Variants in CMC2 observed in about 807,000 individuals in gnomAD.
CMC2 encodes the protein COX assembly mitochondrial protein 2 homolog.
CMC2 carries 5 observed loss-of-function variants against 7.5 expected under a neutral mutation model. That is an observed-to-expected ratio of 0.66 (90% CI 0.35 to 1.40). CMC2 has a LOEUF of 1.40. CMC2 is among the 40% of genes most tolerant of loss of function. The pLI is 0.04. For missense variants in CMC2, 115 were observed against 92.3 expected (o/e 1.25, Z -1.01); for synonymous variants, 37 against 31.4 (o/e 1.18, Z -0.60).
intron 1 of CMC2, chr16:80,998,674 T>A (rs1266002288): frequency 6.6e-6 from 1 of 152,158 alleles, no homozygotes; most frequent in African/African-American, 2.4e-5. Flanking sequence ...ATACATACAA[T>A]GGAATACTAT....
chr16:80,993,343 G>C (rs62056081), intron 2 of CMC2, among the ~76,000 whole-genome samples: 5,096 of 152,282 alleles, frequency 0.033, 118 homozygotes, highest in Non-Finnish European at 0.046. Context: ...GCAGAGAACA[G>C]AACTCAAGAG....
chr16:80,997,398 T>C lies in CMC2; in HGVS notation c.-4A>G. On this transcript the variant is annotated 5_prime_UTR_variant, in exon 2 of 4. Coordinates refer to ENST00000219400, the MANE Select transcript of CMC2 (RefSeq NM_020188.5). ...GTGGAGATAAGTCAGGATGCATCTTTAGGAGATGAGGATGGATCACAGCAG... is the reference window on the plus strand; with the variant it reads ...GTGGAGATAAGTCAGGATGCATCTTCAGGAGATGAGGATGGATCACAGCAG... 3 of 1,609,824 alleles carry C rather than the reference T, an allele frequency of 1.9e-6. No individual in the cohort carries two copies. The highest frequency in any genetic ancestry group is 1.3e-5 in the African/African-American group (1 of 74,948).
In CMC2 at chr16:80,973,852, C is replaced by G. The variant is rs928942530; in HGVS notation, c.*2241G>C. 1 of 152,218 alleles carries G rather than the reference C, an allele frequency of 6.6e-6. No individual in the cohort carries two copies. The highest frequency in any genetic ancestry group is 6.5e-5 in the Admixed American group (1 of 15,286). The allele number at this position is 152,218 out of a possible 1,614,324, so 9.4% of individuals were successfully genotyped here. Reference sequence around the variant, plus strand: ...AACACAAGAGAGTAAGACCTAAAAACAGTAGGTGGTTTGAATATCCCATAA... The same window carrying G: ...AACACAAGAGAGTAAGACCTAAAAAGAGTAGGTGGTTTGAATATCCCATAA... On this transcript the variant is annotated 3_prime_UTR_variant, in exon 4 of 4. Coordinates refer to ENST00000219400, the MANE Select transcript of CMC2 (RefSeq NM_020188.5).
intron 2 of CMC2, among the ~76,000 whole-genome samples, chr16:80,982,086 C>A (rs1049207449): frequency 1.3e-5 from 2 of 151,924 alleles, no homozygotes; most frequent in Admixed American, 6.6e-5. Flanking sequence ...GATTTTCTTT[C>A]AATAAATATA....
At chr16:80,976,446 T>C (rs7193361) in intron 3 of CMC2, among the ~76,000 whole-genome samples, 2,867 of 152,278 alleles carry the variant, frequency 0.019, 89 homozygotes, top group African/African-American at 0.066. Flanking sequence ...GATGCACAAA[T>C]GTTTGCTCAA....
At chr16:81,001,893 T>C (rs1348025918) in intron 1 of CMC2, among the ~76,000 whole-genome samples, 3 of 152,018 alleles carry the variant, frequency 2.0e-5, no homozygotes, top group African/African-American at 4.8e-5. Flanking sequence ...AATAAAGCCA[T>C]TGCACCTAGT....
rs553619792 is a variant in CMC2 at position 80,975,859 on chromosome 16, C to A, written c.*234G>T. On this transcript the variant is annotated 3_prime_UTR_variant, in exon 4 of 4. Coordinates refer to ENST00000219400, the MANE Select transcript of CMC2 (RefSeq NM_020188.5). ...TACTCAGATATTAACTGGTTGTAGGCAAAGGGAATAAACATGGTGAAGTCA... is the reference window on the plus strand; with the variant it reads ...TACTCAGATATTAACTGGTTGTAGGAAAAGGGAATAAACATGGTGAAGTCA... 36 of 379,290 alleles carry A rather than the reference C, an allele frequency of 9.5e-5. No homozygotes were observed. In the South Asian group the frequency reaches 1.9e-3, roughly 20 times the overall value. 23.5% of individuals were successfully genotyped at this position (379,290 alleles called of 1,614,324 possible). A position where few individuals can be genotyped will look rare whatever the true frequency, so the allele number is the denominator to read the frequency against.
At position 80,970,848 on chromosome 16, in the gene CMC2, GATATTAGAATAA is replaced by G. The variant is rs1911864711; in HGVS notation, c.*5233_*5244del. 1 of 152,136 alleles carries G rather than the reference GATATTAGAATAA, an allele frequency of 6.6e-6. No individual in the cohort carries two copies. Among genetic ancestry groups the G allele is most frequent in the Non-Finnish European group, 1.5e-5 (1 of 68,030 alleles). 9.4% of individuals were successfully genotyped at this position (152,136 alleles called of 1,614,324 possible). On this transcript the variant is annotated 3_prime_UTR_variant, in exon 4 of 4. Transcript: ENST00000219400. The stretch of plus-strand genomic sequence containing the variant: ...CCTGCTTTATAAAAAAATTTTAAGA[GATATTAGAATAA>G]GTAATTTTAAAAATACCCCTTAGAC...
intron 2 of CMC2, among the ~76,000 whole-genome samples, chr16:80,989,471 A>C (rs1015661450): frequency 6.6e-6 from 1 of 152,160 alleles, no homozygotes; most frequent in African/African-American, 2.4e-5. Context: ...CTGTCCTTTT[A>C]ACAGTCCCTA....
intron 2 of CMC2, among the ~76,000 whole-genome samples, chr16:80,985,913 A>AAAAAC (rs1232646606): frequency 6.6e-6 from 1 of 151,668 alleles, no homozygotes; most frequent in African/African-American, 2.4e-5. Context: ...AAAAAAAAAA[A>AAAAAC]AAAAACCACA....
In CMC2 at chr16:80,971,558, TAC is replaced by T. The variant is rs200447772; in HGVS notation, c.*4533_*4534del. ...ATATGGCTATGGATACTGACATACA[TAC>T]ATTTTATATATATATATATATATAT... On this transcript the variant is annotated 3_prime_UTR_variant, in exon 4 of 4. Transcript: ENST00000219400. 1 of 99,972 alleles carries T rather than the reference TAC, an allele frequency of 1.0e-5. No individual in the cohort carries two copies. The highest frequency in any genetic ancestry group is 6.1e-5 in the African/African-American group (1 of 16,304). 6.2% of individuals were successfully genotyped at this position (99,972 alleles called of 1,614,324 possible). A position where few individuals can be genotyped will look rare whatever the true frequency, so the allele number is the denominator to read the frequency against.
intron 2 of CMC2, 138 bp downstream of exon 2, chr16:80,997,176 C>T (rs1289047752): frequency 3.1e-6 from 2 of 635,418 alleles, no homozygotes; most frequent in African/African-American, 3.7e-5. Flanking sequence ...TCGCACATAT[C>T]AACTGCTAAT....
chr16:80,987,198 A>G (rs769035988), intron 2 of CMC2, among the ~76,000 whole-genome samples: 18 of 152,228 alleles, frequency 1.2e-4, no homozygotes, highest in Non-Finnish European at 2.1e-4. Flanking sequence ...AAGGGACGCT[A>G]ACACAAGATA....
intron 3 of CMC2, among the ~76,000 whole-genome samples, chr16:80,979,551 A>G (rs913185447): frequency 2.0e-5 from 3 of 152,126 alleles, no homozygotes; most frequent in Admixed American, 6.5e-5. Flanking sequence ...ACAAATAGCC[A>G]TACTGAATAA....
chr16:80,973,292 G>A lies in CMC2; in HGVS notation c.*2801C>T, dbSNP rs1182368800. On this transcript the variant is annotated 3_prime_UTR_variant, in exon 4 of 4. Transcript: ENST00000219400. The stretch of plus-strand genomic sequence containing the variant: ...CCCTTTACCCCCTGCCCCATCAGCT[G>A]GGGCCCCACTCAAACGGTATCAGCC... 6.6e-6 allele frequency: 1 copy of A among 152,138 alleles called. No homozygotes were observed. The highest frequency in any genetic ancestry group is 2.4e-5 in the African/African-American group (1 of 41,422). 9.4% of individuals were successfully genotyped at this position (152,138 alleles called of 1,614,324 possible). A position where few individuals can be genotyped will look rare whatever the true frequency, so the allele number is the denominator to read the frequency against.
At chr16:80,992,472 T>A (rs373666897) in intron 2 of CMC2, among the ~76,000 whole-genome samples, 2 of 152,306 alleles carry the variant, frequency 1.3e-5, no homozygotes, top group South Asian at 4.1e-4. Flanking sequence ...TGCAGTCCCA[T>A]CAGAAATGTA....
At chr16:80,977,030 C>G (rs1912466153) in intron 3 of CMC2, among the ~76,000 whole-genome samples, 1 of 152,096 alleles carries the variant, frequency 6.6e-6, no homozygotes. Context: ...GGGCCTACAT[C>G]TTAGACCAGC....
intron 2 of CMC2, among the ~76,000 whole-genome samples, chr16:80,987,475 A>T (rs2151629693): frequency 6.6e-6 from 1 of 152,338 alleles, no homozygotes; most frequent in African/African-American, 2.4e-5. Flanking sequence ...AATCAGAAAA[A>T]ATACACAAGG....
At position 80,969,731 on chromosome 16, in the gene CMC2, G is replaced by C. The variant is rs1448974106; in HGVS notation, c.*6362C>G. On this transcript the variant is annotated 3_prime_UTR_variant, in exon 4 of 4. Transcript: ENST00000219400. The stretch of plus-strand genomic sequence containing the variant: ...GGTGAAACCCCGTCTCTACTAAAAG[G>C]ACAAAAAAATTAGCCGGGCATCATG... 1.3e-5 allele frequency: 2 copies of C among 152,014 alleles called. No homozygotes were observed. Among genetic ancestry groups the C allele is most frequent in the Admixed American group, 1.3e-4 (2 of 15,258 alleles). The allele number at this position is 152,014 out of a possible 1,614,324, so 9.4% of individuals were successfully genotyped here. A position where few individuals can be genotyped will look rare whatever the true frequency, so the allele number is the denominator to read the frequency against.
Sources: gnomAD v4.1 joint callset for allele counts (sites outside exome capture counted in the v4.1 genomes callset) on GRCh38, gnomAD v4.1.1 for gene constraint, MANE v1.5 for transcripts, NCBI Gene and HGNC (gene_info 2026-07-23, HGNC 2026-07-21) for gene names.